CHST11: variants seen among roughly 807,000 people sequenced by gnomAD.
CHST11 encodes the protein carbohydrate sulfotransferase 11.
A neutral mutation model predicts 30.4 loss-of-function variants in CHST11; 9 were observed. The ratio of observed to expected loss-of-function variants is 0.30; its 90% CI spans 0.18 to 0.52. The LOEUF (loss-of-function observed/expected upper bound fraction) is 0.52, where lower values mean the gene tolerates loss of function less well. Ranked by LOEUF, CHST11 falls within the 20% of genes least tolerant of loss-of-function variation. The pLI is 0.97. For missense variants in CHST11, 348 were observed against 460.6 expected (o/e 0.76, Z 2.24); for synonymous variants, 152 against 187.8 (o/e 0.81, Z 1.56).
At chr12:104,485,285 CTT>C (rs2037666304) in intron 1 of CHST11, among the ~76,000 whole-genome samples, 1 of 152,124 alleles carries the variant, frequency 6.6e-6, no homozygotes, top group Non-Finnish European at 1.5e-5. Flanking sequence ...AAGATTGACT[CTT>C]ATAAAAAATC....
chr12:104,542,670 A>T (rs1424230875), intron 1 of CHST11, among the ~76,000 whole-genome samples: 3 of 152,344 alleles, frequency 2.0e-5, no homozygotes, highest in Middle Eastern at 3.4e-3. Context: ...AATACTAATG[A>T]GTAGACAGTT....
At chr12:104,703,360 C>G (rs974619653) in intron 2 of CHST11, among the ~76,000 whole-genome samples, 4 of 152,238 alleles carry the variant, frequency 2.6e-5, no homozygotes, top group African/African-American at 9.6e-5. Context: ...CCCACCTCAA[C>G]AAATGCAACC....
intron 2 of CHST11, among the ~76,000 whole-genome samples, chr12:104,678,446 C>T (rs60558662): frequency 9.0e-4 from 137 of 152,238 alleles, no homozygotes; most frequent in African/African-American, 3.0e-3. Context: ...TAACATGCTG[C>T]GCTTATTATG....
At chr12:104,556,661 T>C (rs983432771) in intron 1 of CHST11, among the ~76,000 whole-genome samples, 1 of 152,178 alleles carries the variant, frequency 6.6e-6, no homozygotes, top group Non-Finnish European at 1.5e-5. Context: ...CTGTCTTCCT[T>C]CCATGTGTGT....
At chr12:104,637,515 T>G (rs1266955406) in intron 2 of CHST11, among the ~76,000 whole-genome samples, 1 of 152,068 alleles carries the variant, frequency 6.6e-6, no homozygotes, top group Non-Finnish European at 1.5e-5. Flanking sequence ...CACAAAAACC[T>G]TTGGCTACAA....
rs145438071 is a variant in CHST11 at position 104,572,789 on chromosome 12, T to C, written c.119-29117T>C. Among the ~76,000 whole-genome samples, 48 of 152,334 alleles carry C rather than the reference T, an allele frequency of 3.2e-4. 1 individual carries two copies. The highest frequency in any genetic ancestry group is 1.2e-3 in the African/African-American group (48 of 41,574). On this transcript the variant is annotated intron_variant, in intron 1 of 2. Transcript: ENST00000303694. ...AATGTGTTTGCTCTTGCTTCTCTAC[T>C]TTTTAATTGTGATGTTAGGGTGTCA... is the stretch of plus-strand genomic sequence containing the variant.
intron 2 of CHST11, among the ~76,000 whole-genome samples, chr12:104,653,170 T>C (rs1202019262): frequency 6.6e-6 from 1 of 152,134 alleles, no homozygotes; most frequent in Admixed American, 6.5e-5. Flanking sequence ...CGCCAGCCTC[T>C]CGTAACCACC....
chr12:104,616,739 C>T (rs2039111424), intron 2 of CHST11, among the ~76,000 whole-genome samples: 1 of 152,210 alleles, frequency 6.6e-6, no homozygotes, highest in South Asian at 2.1e-4. Context: ...GCTGGGATTA[C>T]AGGCATGAGC....
At chr12:104,677,245 G>T (rs1426410511) in intron 2 of CHST11, among the ~76,000 whole-genome samples, 1 of 152,154 alleles carries the variant, frequency 6.6e-6, no homozygotes, top group Non-Finnish European at 1.5e-5. Flanking sequence ...GTCTTGGCCT[G>T]GTCAGAGGGA....
At chr12:104,462,855 C>T (rs572502766) in intron 1 of CHST11, among the ~76,000 whole-genome samples, 3 of 152,248 alleles carry the variant, frequency 2.0e-5, no homozygotes, top group Admixed American at 2.0e-4. Context: ...GTTTGCACCT[C>T]GATGGAGCAT....
At chr12:104,612,298 C>T (rs558037880) in intron 2 of CHST11, among the ~76,000 whole-genome samples, 57 of 152,354 alleles carry the variant, frequency 3.7e-4, no homozygotes, top group Admixed American at 3.3e-3. Flanking sequence ...TTCTGAGGGC[C>T]GTGAAGAAGG....
intron 1 of CHST11, among the ~76,000 whole-genome samples, chr12:104,598,731 C>T (rs971044322): frequency 4.6e-5 from 7 of 152,356 alleles, no homozygotes; most frequent in Non-Finnish European, 7.3e-5. Context: ...CTTGACTCTC[C>T]TTCTCATCCT....
chr12:104,506,887 C>T (rs1714615158), intron 1 of CHST11, among the ~76,000 whole-genome samples: 1 of 152,110 alleles, frequency 6.6e-6, no homozygotes, highest in Admixed American at 6.5e-5. Context: ...CAGTCGACCT[C>T]TAAATGGGAT....
chr12:104,558,538 TCCC>T (rs71441899), intron 1 of CHST11, among the ~76,000 whole-genome samples: 1 of 117,764 alleles, frequency 8.5e-6, no homozygotes, highest in African/African-American at 3.4e-5. Flanking sequence ...CAGCAGAAAT[TCCC>T]CCCCCCGCCC....
chr12:104,734,017 A>G (rs2040278241), intron 2 of CHST11, among the ~76,000 whole-genome samples: 1 of 152,200 alleles, frequency 6.6e-6, no homozygotes, highest in Admixed American at 6.5e-5. Flanking sequence ...CGCCACCACC[A>G]GCAATCTCTG....
intron 1 of CHST11, among the ~76,000 whole-genome samples, chr12:104,506,145 G>A (rs759680463): frequency 2.0e-5 from 3 of 152,202 alleles, no homozygotes; most frequent in Non-Finnish European, 4.4e-5. Context: ...TGATCTGTGC[G>A]TTTCCATTCA....
chr12:104,735,103 AG>A (rs1002228088), intron 2 of CHST11, among the ~76,000 whole-genome samples: 3 of 152,318 alleles, frequency 2.0e-5, no homozygotes, highest in Non-Finnish European at 4.4e-5. Context: ...GAGCAGAGGT[AG>A]GGATCTATGG....
At chr12:104,752,074 C>G (rs1451948375) in intron 2 of CHST11, among the ~76,000 whole-genome samples, 1 of 152,156 alleles carries the variant, frequency 6.6e-6, no homozygotes, top group African/African-American at 2.4e-5. Flanking sequence ...GAAATGTATT[C>G]TCTCACAGTC....
rs74276103 is a variant in CHST11, at chr12:104,684,305, T to TGG, written c.205-72644_205-72643insGG. Among the ~76,000 whole-genome samples the TGG allele has an allele frequency of 5.6e-3, 844 of 151,262 alleles. 14 individuals carry two copies. The highest frequency in any genetic ancestry group is 0.019 in the African/African-American group (788 of 41,038). ...ATGGATGGATGGATGGATGGATGGA[T>TGG]AGATGGGTGAGTGAGTGGATGGATA... is the stretch of plus-strand genomic sequence containing the variant. On this transcript the variant is annotated intron_variant, in intron 2 of 2. Transcript: ENST00000303694.
Sources: gnomAD v4.1 joint callset for allele counts (sites outside exome capture counted in the v4.1 genomes callset) on GRCh38, gnomAD v4.1.1 for gene constraint, MANE v1.5 for transcripts, NCBI Gene and HGNC (gene_info 2026-07-23, HGNC 2026-07-21) for gene names.